Variants in DLX4 observed in about 807,000 individuals in gnomAD.
DLX4 encodes the protein homeobox protein DLX-4.
In DLX4, 13 loss-of-function variants were observed where a neutral mutation model predicts 17.1. That is an observed-to-expected ratio of 0.76 (90% CI 0.49 to 1.21). The LOEUF is 1.21. Ranked by LOEUF, DLX4 falls within the 50% of genes most tolerant of loss-of-function variation. DLX4 has a pLI of 0.00. For synonymous variants in DLX4, 129 were observed against 140.3 expected (o/e 0.92, Z 0.57); for missense variants, 297 against 301.4 (o/e 0.99, Z 0.11).
Position 49,969,561 on chromosome 17 carries a change from C to A in DLX4, c.93C>A (p.Tyr31Ter), listed in dbSNP as rs749841142. ...CTGTCCCGTCGGTAGCGGCTGCCTA[C>A]CCGCTTGGCTTGTCCCCTACAACCG... is the stretch of plus-strand genomic sequence containing the variant. ...LAPVPSVAAAYPLGLSPTTAA... is the reference protein window; with the variant it reads ...LAPVPSVAAA The change falls in exon 1 of 3, where the codon TAC becomes TAA. Residue 31 changes from tyrosine to a stop codon, truncating the protein, a stop_gained. Transcript: ENST00000240306. LOFTEE classifies it high-confidence loss of function. 2 of 1,613,598 alleles carry A rather than the reference C, an allele frequency of 1.2e-6. No individual in the cohort carries two copies. Among genetic ancestry groups the A allele is most frequent in the Non-Finnish European group, 1.7e-6 (2 of 1,179,980 alleles).
At position 49,973,927 on chromosome 17, in the gene DLX4, C is replaced by A; in HGVS notation, c.707C>A (p.Ser236Ter). Residue 236 changes from serine (S) to a stop codon, truncating the protein, a stop_gained, in exon 3 of 3, where the codon TCG (serine) becomes TAG (stop). Coordinates refer to ENST00000240306, the MANE Select transcript of DLX4 (RefSeq NM_138281.3). LOFTEE classifies it high-confidence loss of function. ...YQHHSSDVLA[S>*]PQMM The stretch of plus-strand genomic sequence containing the variant: ...CATCACTCCTCAGATGTCCTGGCTT[C>A]GCCTCAGATGATGTGAATCTGGGGA... 1 of 1,606,866 alleles carries A rather than the reference C, an allele frequency of 6.2e-7. No homozygotes were observed. Among genetic ancestry groups the A allele is most frequent in the Non-Finnish European group, 8.5e-7 (1 of 1,176,878 alleles).
chr17:49,973,407 T>C, intron 2 of DLX4, 138 bp downstream of exon 2: 1 of 1,317,394 alleles, frequency 7.6e-7, no homozygotes, highest in South Asian at 1.4e-5. Flanking sequence ...TGTTCATAGC[T>C]GGCTCTTAGT....
In DLX4 at chr17:49,972,614, C is replaced by A; in HGVS notation, c.284-459C>A. 1.5e-6 allele frequency: 1 copy of A among 670,780 alleles called. No homozygotes were observed. Among genetic ancestry groups the A allele is most frequent in the South Asian group, 6.7e-5 (1 of 14,958 alleles). The allele number at this position is 670,780 out of a possible 1,614,324, so 41.6% of individuals were successfully genotyped here. Reference sequence around the variant, plus strand: ...GCAGCCGGAGGCTGCCACGCGGACACCGTCTCAAGCCTCTGAGCATTGCTC... The same window carrying A: ...GCAGCCGGAGGCTGCCACGCGGACAACGTCTCAAGCCTCTGAGCATTGCTC... On this transcript the variant is annotated intron_variant, in intron 1 of 2. Transcript: ENST00000240306. This position sits in a 1 kb window ranked among gnomAD's most constrained non-coding sequence, Gnocchi z 5.4.
Position 49,972,508 on chromosome 17 carries a change from G to A in DLX4, c.284-565G>A, listed in dbSNP as rs555423531. 76 of 160,782 alleles carry A rather than the reference G, an allele frequency of 4.7e-4. No individual in the cohort carries two copies. The highest frequency in any genetic ancestry group is 2.6e-4 in the Admixed American group (4 of 15,462). The allele number at this position is 160,782 out of a possible 1,614,324, so 10.0% of individuals were successfully genotyped here. A position where few individuals can be genotyped will look rare whatever the true frequency, so the allele number is the denominator to read the frequency against. ...GCCCGTTACAGTAGGCGAGGCCAGG[G>A]CAAACCCGGGGTCACTATCAGCGCT... On this transcript the variant is annotated intron_variant, in intron 1 of 2. Coordinates refer to ENST00000240306, the MANE Select transcript of DLX4 (RefSeq NM_138281.3). The surrounding 1 kb of genome is among the most constrained non-coding windows in gnomAD (Gnocchi z 5.4).
rs747724378 is a variant in DLX4, at chr17:49,973,205, C to T, written c.416C>T (p.Thr139Met). 3.1e-6 allele frequency: 5 copies of T among 1,614,068 alleles called. No homozygotes were observed. In the Admixed American group the frequency reaches 5.0e-5, roughly 16 times the overall value. The change falls in exon 2 of 3, where the codon ACG (threonine) becomes ATG (methionine). Residue 139 changes from threonine to methionine, a missense_variant. Transcript: ENST00000240306. The stretch of plus-strand genomic sequence containing the variant: ...CACCTAAACCAGCGTTTCCAGCACA[C>T]GCAGTACCTGGCGCTGCCCGAGAGG... ...LQHLNQRFQH[T>M]QYLALPERAQ...
Position 49,969,255 on chromosome 17 carries a change from A to G in DLX4, c.-214A>G. On this transcript the variant is annotated 5_prime_UTR_variant, in exon 1 of 3. Coordinates refer to ENST00000240306, the MANE Select transcript of DLX4 (RefSeq NM_138281.3). Reference sequence around the variant, plus strand: ...CCCCATGGATTTAGGGGGGGAGGGGAAAGTCATGGGGGGCACCCCCCCGGA... The same window carrying G: ...CCCCATGGATTTAGGGGGGGAGGGGGAAGTCATGGGGGGCACCCCCCCGGA... 1 of 353,522 alleles carries G rather than the reference A, an allele frequency of 2.8e-6. No homozygotes were observed. Among genetic ancestry groups the G allele is most frequent in the African/African-American group, 5.5e-5 (1 of 18,320 alleles). The allele number at this position is 353,522 out of a possible 1,614,324, so 21.9% of individuals were successfully genotyped here.
rs1340960071 is a variant in DLX4 at position 49,972,902 on chromosome 17, G to T, written c.284-171G>T. 1.4e-6 allele frequency: 2 copies of T among 1,453,124 alleles called. No homozygotes were observed. The highest frequency in any genetic ancestry group is 1.8e-6 in the Non-Finnish European group (2 of 1,099,594). The allele number at this position is 1,453,124 out of a possible 1,614,324, so 90.0% of individuals were successfully genotyped here. A position where few individuals can be genotyped will look rare whatever the true frequency, so the allele number is the denominator to read the frequency against. Reference sequence around the variant, plus strand: ...GCGCGGTGAACGTGGGGGTTGAAACGCTCCACGCGGAAGGTAGAGGGCAGG... The same window carrying T: ...GCGCGGTGAACGTGGGGGTTGAAACTCTCCACGCGGAAGGTAGAGGGCAGG... On this transcript the variant is annotated intron_variant, in intron 1 of 2. Coordinates refer to ENST00000240306, the MANE Select transcript of DLX4 (RefSeq NM_138281.3). This position sits in a 1 kb window ranked among gnomAD's most constrained non-coding sequence, Gnocchi z 5.4.
In DLX4 at chr17:49,973,730, C is replaced by G; in HGVS notation, c.510C>G (p.Ser170=). The change falls in exon 3 of 3, where the codon TCC becomes TCG. Residue 170 remains serine (S), a synonymous_variant. Coordinates refer to ENST00000240306, the MANE Select transcript of DLX4 (RefSeq NM_138281.3). The stretch of plus-strand genomic sequence containing the variant: ...AGATCTGGTTTCAGAACAAACGCTC[C>G]AAGTATAAGAAGCTCCTGAAGCAGA... ...QVKIWFQNKR[S]KYKKLLKQNS... 6.6e-7 allele frequency: 1 copy of G among 1,512,448 alleles called. No individual in the cohort carries two copies. Among genetic ancestry groups the G allele is most frequent in the Non-Finnish European group, 8.8e-7 (1 of 1,130,480 alleles). 93.7% of individuals were successfully genotyped at this position (1,512,448 alleles called of 1,614,324 possible).
Position 49,974,111 on chromosome 17 carries a change from C to T in DLX4, c.*168C>T, listed in dbSNP as rs1905632035. 2.4e-6 allele frequency: 2 copies of T among 830,882 alleles called. No individual in the cohort carries two copies. Among genetic ancestry groups the T allele is most frequent in the African/African-American group, 1.8e-5 (1 of 55,498 alleles). The allele number at this position is 830,882 out of a possible 1,614,324, so 51.5% of individuals were successfully genotyped here. ...AATGGAGCAGAGCCTGTACCCCTAA[C>T]CCTAACAGCTAAATCAAGGACCTCA... On this transcript the variant is annotated 3_prime_UTR_variant, in exon 3 of 3. Transcript: ENST00000240306.
In DLX4 at chr17:49,972,616, G is replaced by A. The variant is rs892239110; in HGVS notation, c.284-457G>A. On this transcript the variant is annotated intron_variant, in intron 1 of 2. Coordinates refer to ENST00000240306, the MANE Select transcript of DLX4 (RefSeq NM_138281.3). This position sits in a 1 kb window ranked among gnomAD's most constrained non-coding sequence, Gnocchi z 5.4. ...AGCCGGAGGCTGCCACGCGGACACC[G>A]TCTCAAGCCTCTGAGCATTGCTCTG... The A allele has an allele frequency of 9.4e-5, 65 of 689,072 alleles. No individual in the cohort carries two copies. Among genetic ancestry groups the A allele is most frequent in the Non-Finnish European group, 9.9e-5 (54 of 544,858 alleles). The allele number at this position is 689,072 out of a possible 1,614,324, so 42.7% of individuals were successfully genotyped here.
intron 2 of DLX4, chr17:49,973,494 G>C: frequency 1.1e-6 from 1 of 949,310 alleles, no homozygotes. Flanking sequence ...GAGGAGGGTA[G>C]GTCAGACAGG....
chr17:49,973,134 A>G lies in DLX4; in HGVS notation c.345A>G (p.Lys115=). 2 of 1,613,980 alleles carry G rather than the reference A, an allele frequency of 1.2e-6. No homozygotes were observed. Among genetic ancestry groups the G allele is most frequent in the Non-Finnish European group, 1.7e-6 (2 of 1,179,954 alleles). ...AGCGGCGCCCTCAGGCCCCCGCCAA[A>G]AAGCTCCGCAAGCCGAGGACCATCT... ...PSERRPQAPA[K]KLRKPRTIYS... is the part of the protein sequence containing the mutation. Residue 115 remains lysine, a synonymous_variant, in exon 2 of 3, where the codon AAA becomes AAG. Transcript: ENST00000240306.
At position 49,973,702 on chromosome 17, in the gene DLX4, T is replaced by G; in HGVS notation, c.482T>G (p.Val161Gly). ...TTCTTTCCCCTTTTCTTCCCGAAGG[T>G]AAAGATCTGGTTTCAGAACAAACGC... ...AAQLGLTQTQ[V>G]KIWFQNKRSK... The change falls in exon 3 of 3, where the codon GTA (valine) becomes GGA (glycine). Residue 161 changes from valine (V) to glycine (G), a missense_variant and splice_region_variant. By Grantham distance (109) the Val-to-Gly change is moderately radical. Transcript: ENST00000240306. 1 of 1,493,680 alleles carries G rather than the reference T, an allele frequency of 6.7e-7. No homozygotes were observed. The highest frequency in any genetic ancestry group is 8.9e-7 in the Non-Finnish European group (1 of 1,121,000). The allele number at this position is 1,493,680 out of a possible 1,614,324, so 92.5% of individuals were successfully genotyped here.
intron 1 of DLX4, 22 bp from the exon 2 acceptor site, chr17:49,973,051 A>ACCGTGTT: frequency 6.2e-7 from 1 of 1,613,336 alleles, no homozygotes; most frequent in Non-Finnish European, 8.5e-7. Flanking sequence ...CGCCCCCTAC[A>ACCGTGTT]CCGTGTTGTG....
intron 1 of DLX4, among the ~76,000 whole-genome samples, 167 bp downstream of exon 1, chr17:49,969,918 G>T (rs1040992719): frequency 1.3e-5 from 2 of 151,294 alleles, no homozygotes; most frequent in Admixed American, 1.3e-4. Context: ...GGAGACACGG[G>T]GGGAGGGGCG....
upstream of DLX4, among the ~76,000 whole-genome samples, chr17:49,968,707 C>A (rs530077831): frequency 2.6e-5 from 4 of 152,228 alleles, no homozygotes; most frequent in African/African-American, 9.6e-5. Flanking sequence ...ACCCTCCCAG[C>A]CCCGGCGTCT....
chr17:49,973,368 T>C (rs1404687564), intron 2 of DLX4, 99 bp downstream of exon 2: 1 of 1,482,138 alleles, frequency 6.7e-7, no homozygotes, highest in Non-Finnish European at 9.1e-7. Flanking sequence ...ATTGGTGCTG[T>C]GGCCCTGTTG....
chr17:49,968,813 TCCA>T (rs1243447266), upstream of DLX4, among the ~76,000 whole-genome samples: 1 of 152,204 alleles, frequency 6.6e-6, no homozygotes, highest in Non-Finnish European at 1.5e-5. Context: ...CCCCTTCAGG[TCCA>T]CCGCGGCTGG....
At chr17:49,969,101 T>C, upstream of DLX4, 1 of 224,562 alleles carries the variant, frequency 4.5e-6, no homozygotes. Context: ...TACAGCGGGC[T>C]GTCCCGGGGG....
Sources: gnomAD v4.1 joint callset for allele counts (sites outside exome capture counted in the v4.1 genomes callset) on GRCh38, gnomAD v4.1.1 for gene constraint, Gnocchi (gnomAD v3.1) non-coding constraint, MANE v1.5 for transcripts, NCBI Gene and HGNC (gene_info 2026-07-23, HGNC 2026-07-21) for gene names.